Variants in LDLRAD3 observed in about 807,000 individuals in gnomAD.
LDLRAD3 encodes low density lipoprotein receptor class A domain containing 3, also known as low-density lipoprotein receptor class A domain-containing protein 3.
LDLRAD3 carries 20 observed loss-of-function variants against 29.4 expected under a neutral mutation model. The ratio of observed to expected loss-of-function variants is 0.68; its 90% CI spans 0.48 to 0.99. The LOEUF is 0.99. LDLRAD3 is among the 50% of genes least tolerant of loss of function. LDLRAD3 has a pLI of 0.00. For synonymous variants in LDLRAD3, 157 were observed against 192.7 expected (o/e 0.81, Z 1.53); for missense variants, 420 against 454.3 (o/e 0.92, Z 0.69).
chr11:36,052,207 T>G (rs7117083), intron 2 of LDLRAD3, among the ~76,000 whole-genome samples: 13 of 152,008 alleles, frequency 8.6e-5, no homozygotes, highest in Non-Finnish European at 1.9e-4. Flanking sequence ...TGCAGTTAGT[T>G]TGGTGGCCTC....
intron 4 of LDLRAD3, among the ~76,000 whole-genome samples, chr11:36,157,325 A>G (rs1178166771): frequency 1.3e-5 from 2 of 152,194 alleles, no homozygotes; most frequent in African/African-American, 4.8e-5. Flanking sequence ...TTGTCCAGAT[A>G]AAGGGAGACC....
intron 1 of LDLRAD3, among the ~76,000 whole-genome samples, chr11:35,963,818 G>C (rs1367928655): frequency 6.6e-6 from 1 of 152,164 alleles, no homozygotes; most frequent in African/African-American, 2.4e-5. Flanking sequence ...CAATATAGTA[G>C]GTATGGTTGG....
At chr11:36,043,418 T>A (rs1481492115) in intron 2 of LDLRAD3, among the ~76,000 whole-genome samples, 4 of 152,232 alleles carry the variant, frequency 2.6e-5, no homozygotes, top group Non-Finnish European at 5.9e-5. Flanking sequence ...TTTAACAATT[T>A]GCAAGTAAGA....
chr11:36,054,326 C>T (rs1194137791), intron 2 of LDLRAD3, among the ~76,000 whole-genome samples: 3 of 152,198 alleles, frequency 2.0e-5, no homozygotes, highest in Non-Finnish European at 4.4e-5. Flanking sequence ...TGTATTTACC[C>T]TTTGTATGAC....
intron 1 of LDLRAD3, among the ~76,000 whole-genome samples, chr11:35,993,378 G>T (rs1421089834): frequency 1.3e-5 from 2 of 152,158 alleles, no homozygotes; most frequent in African/African-American, 4.8e-5. Flanking sequence ...CCTGTGCATT[G>T]CCCTGGCTGA....
intron 1 of LDLRAD3, among the ~76,000 whole-genome samples, chr11:36,024,689 GC>G (rs1177332525): frequency 6.6e-6 from 1 of 152,210 alleles, no homozygotes; most frequent in Non-Finnish European, 1.5e-5. Flanking sequence ...TTTTGACTGT[GC>G]TCTGTGCCTT....
At chr11:36,103,742 TG>T (rs2133279641) in intron 4 of LDLRAD3, among the ~76,000 whole-genome samples, 1 of 152,330 alleles carries the variant, frequency 6.6e-6, no homozygotes, top group South Asian at 2.1e-4. Flanking sequence ...CAAGTCCCTC[TG>T]TAGGCCGTTT....
chr11:36,037,629 A>T (rs11033383), intron 2 of LDLRAD3, among the ~76,000 whole-genome samples: 28,100 of 152,052 alleles, frequency 0.18, 2,678 homozygotes, highest in African/African-American at 0.22. Context: ...TTGAATTTTT[A>T]ACATATTTCT....
At chr11:36,109,445 A>G (rs1853576700) in intron 4 of LDLRAD3, among the ~76,000 whole-genome samples, 1 of 152,170 alleles carries the variant, frequency 6.6e-6, no homozygotes, top group Non-Finnish European at 1.5e-5. Context: ...GACAAACTGG[A>G]TGAGAGTAGC....
At chr11:36,105,373 C>A (rs7928494) in intron 4 of LDLRAD3, among the ~76,000 whole-genome samples, 59 of 151,646 alleles carry the variant, frequency 3.9e-4, no homozygotes, top group Non-Finnish European at 8.0e-4. Flanking sequence ...GTGCCAGGCC[C>A]CTGGCTGCAT....
intron 4 of LDLRAD3, among the ~76,000 whole-genome samples, chr11:36,121,562 G>A (rs1042866389): frequency 6.6e-6 from 1 of 152,216 alleles, no homozygotes. Context: ...GGTGCGCCAT[G>A]AGTATCAAAT....
At chr11:36,177,604 C>T (rs1399957865) in intron 4 of LDLRAD3, among the ~76,000 whole-genome samples, 3 of 152,204 alleles carry the variant, frequency 2.0e-5, no homozygotes, top group African/African-American at 2.4e-5. Flanking sequence ...TCTAGCCACC[C>T]AGTGGAGCTA....
chr11:35,977,934 G>A (rs1317813683), intron 1 of LDLRAD3, among the ~76,000 whole-genome samples: 1 of 152,164 alleles, frequency 6.6e-6, no homozygotes, highest in Non-Finnish European at 1.5e-5. Context: ...GTACACAGAC[G>A]CTCAGACCAT....
At chr11:36,052,788 G>A (rs1852547412) in intron 2 of LDLRAD3, among the ~76,000 whole-genome samples, 1 of 152,136 alleles carries the variant, frequency 6.6e-6, no homozygotes, top group Non-Finnish European at 1.5e-5. Context: ...ATTAGCTATA[G>A]TTATTAACAA....
chr11:36,197,211 C>T (rs922963510), intron 4 of LDLRAD3: 1 of 152,198 alleles, frequency 6.6e-6, no homozygotes, highest in African/African-American at 2.4e-5. Context: ...TCAGAACGAC[C>T]TCTTTCATTC....
chr11:36,189,704 A>G (rs1019970506), intron 4 of LDLRAD3, among the ~76,000 whole-genome samples: 1 of 151,944 alleles, frequency 6.6e-6, no homozygotes, highest in Non-Finnish European at 1.5e-5. Context: ...CATTAGGTAT[A>G]TCTCCTAATG....
chr11:36,123,072 G>A (rs1441288085), intron 4 of LDLRAD3, among the ~76,000 whole-genome samples: 1 of 151,892 alleles, frequency 6.6e-6, no homozygotes, highest in Non-Finnish European at 1.5e-5. Context: ...CTGTAGTCCC[G>A]ACTGCTTGGG....
rs1392436661 is a variant in LDLRAD3, at chr11:36,105,236, T to TGAGA, written c.454+6776_454+6777insAGAG. Among the ~76,000 whole-genome samples the TGAGA allele has an allele frequency of 5.0e-3, 675 of 135,094 alleles. 5 individuals carry two copies. The highest frequency in any genetic ancestry group is 0.018 in the African/African-American group (651 of 35,922). 88.6% of individuals were successfully genotyped at this position (135,094 alleles called of 152,430 possible). On this transcript the variant is annotated intron_variant, in intron 4 of 5. Coordinates refer to ENST00000315571, the MANE Select transcript of LDLRAD3 (RefSeq NM_174902.4). ...GTGTGTGTGTGTGTGTGTGTGTGTG[T>TGAGA]GTGAGAGAGAGAGAGAGAGAGAGAG...
rs952258305 is a variant in LDLRAD3 at position 36,051,967 on chromosome 11, G to A, written c.193+15718G>A. ...TTTGGGGATGACTGAAAAGCTGCTG[G>A]AATAGAATTCTTAGAAACAGAGTGG... On this transcript the variant is annotated intron_variant, in intron 2 of 5. Coordinates refer to ENST00000315571, the MANE Select transcript of LDLRAD3 (RefSeq NM_174902.4). 3.3e-5 allele frequency among the ~76,000 whole-genome samples: 5 copies of A among 150,926 alleles called. No homozygotes were observed. The Admixed American group carries it at 3.3e-4, about 10-fold the overall frequency.
Sources: allele counts gnomAD v4.1 joint callset (sites outside exome capture counted in the v4.1 genomes callset), GRCh38; gene constraint gnomAD v4.1.1; transcripts MANE v1.5; gene names NCBI Gene and HGNC (gene_info 2026-07-23, HGNC 2026-07-21).